CSMD3: variants seen among roughly 807,000 people sequenced by gnomAD.
The protein encoded by CSMD3 is CUB and sushi domain-containing protein 3.
CSMD3 carries 177 observed loss-of-function variants against 435.2 expected under a neutral mutation model. That is an observed-to-expected ratio of 0.41 (90% CI 0.36 to 0.46). CSMD3 has a LOEUF of 0.46. Among genes scored for constraint, CSMD3 ranks in the 20% least tolerant of loss-of-function variants. The pLI, the probability that CSMD3 is intolerant of heterozygous loss-of-function variation, is 0.34. For missense variants in CSMD3, 4,265 were observed against 4,504.6 expected (o/e 0.95, Z 1.52); for synonymous variants, 1,656 against 1,520.5 (o/e 1.09, Z -2.07).
At chr8:112,796,970 T>C (rs1162756127) in intron 13 of CSMD3, among the ~76,000 whole-genome samples, 2 of 152,032 alleles carry the variant, frequency 1.3e-5, no homozygotes, top group Non-Finnish European at 2.9e-5. Flanking sequence ...AAATGAATCC[T>C]AGTTGAATAA....
At chr8:112,952,415 G>A (rs557813295) in intron 8 of CSMD3, among the ~76,000 whole-genome samples, 34 of 151,496 alleles carry the variant, frequency 2.2e-4, no homozygotes, top group Non-Finnish European at 4.1e-4. Flanking sequence ...TTTGAAAGAC[G>A]AATGTCAGAT....
chr8:112,389,477 A>C (rs146849021), intron 36 of CSMD3, among the ~76,000 whole-genome samples: 491 of 152,338 alleles, frequency 3.2e-3, no homozygotes, highest in African/African-American at 0.011. Flanking sequence ...GAATGTAAGT[A>C]TGCATCTATA....
At chr8:112,290,616 T>C (rs1310907658) in intron 56 of CSMD3, among the ~76,000 whole-genome samples, 2 of 151,916 alleles carry the variant, frequency 1.3e-5, no homozygotes, top group Non-Finnish European at 2.9e-5. Context: ...AAAATGTTCA[T>C]AAAAGTACAC....
chr8:113,153,108 A>G (rs1451790287), intron 4 of CSMD3, among the ~76,000 whole-genome samples: 11 of 128,768 alleles, frequency 8.5e-5, no homozygotes, highest in South Asian at 7.6e-4. Flanking sequence ...AAGAAAAGAA[A>G]GAAAGAAAGA....
At chr8:113,092,783 G>A (rs944435645) in intron 5 of CSMD3, among the ~76,000 whole-genome samples, 1 of 152,038 alleles carries the variant, frequency 6.6e-6, no homozygotes, top group African/African-American at 2.4e-5. Flanking sequence ...CTAGGTGGTG[G>A]TGGTGCGGTT....
At chr8:112,831,286 C>T (rs764428562) in intron 11 of CSMD3, among the ~76,000 whole-genome samples, 16 of 150,700 alleles carry the variant, frequency 1.1e-4, no homozygotes, top group Non-Finnish European at 1.8e-4. Flanking sequence ...TTAATAATTA[C>T]CTGTCAATAC....
At chr8:112,962,386 A>G (rs2084264683) in intron 7 of CSMD3, among the ~76,000 whole-genome samples, 1 of 151,870 alleles carries the variant, frequency 6.6e-6, no homozygotes, top group Middle Eastern at 3.2e-3. Context: ...TGTATATTAT[A>G]AGGCCTTCTA....
chr8:112,763,937 A>C (rs1221762779), intron 13 of CSMD3, among the ~76,000 whole-genome samples: 3 of 151,098 alleles, frequency 2.0e-5, no homozygotes, highest in Admixed American at 6.6e-5. Context: ...AATTCCAATT[A>C]AGCCTTTTCT....
intron 32 of CSMD3, among the ~76,000 whole-genome samples, chr8:112,463,679 G>A (rs1817672911): frequency 6.6e-6 from 1 of 152,116 alleles, no homozygotes; most frequent in African/African-American, 2.4e-5. Flanking sequence ...ACTTATCTGT[G>A]TACTTTATAA....
At chr8:112,387,002 C>A (rs867641424) in intron 36 of CSMD3, among the ~76,000 whole-genome samples, 2 of 152,058 alleles carry the variant, frequency 1.3e-5, no homozygotes, top group African/African-American at 4.8e-5. Context: ...TAAATTGATA[C>A]AATAATGTAG....
intron 1 of CSMD3, among the ~76,000 whole-genome samples, chr8:113,319,298 TTTAAAGA>T (rs1394483658): frequency 6.6e-6 from 1 of 152,062 alleles, no homozygotes; most frequent in Non-Finnish European, 1.5e-5. Context: ...TTTGCATTTC[TTTAAAGA>T]TTAATTATGT....
intron 17 of CSMD3, among the ~76,000 whole-genome samples, chr8:112,661,462 A>G (rs999286767): frequency 1.3e-5 from 2 of 152,166 alleles, no homozygotes; most frequent in African/African-American, 4.8e-5. Flanking sequence ...TCCAAAATCA[A>G]ATGTCAGAGT....
At chr8:113,216,484 T>A (rs1241459293) in intron 3 of CSMD3, among the ~76,000 whole-genome samples, 1 of 151,914 alleles carries the variant, frequency 6.6e-6, no homozygotes, top group Non-Finnish European at 1.5e-5. Context: ...ATTTTCTCAG[T>A]TGTGACAATA....
intron 3 of CSMD3, among the ~76,000 whole-genome samples, chr8:113,237,656 C>T (rs1206891781): frequency 6.6e-6 from 1 of 152,176 alleles, no homozygotes; most frequent in Non-Finnish European, 1.5e-5. Flanking sequence ...AATTAACAGC[C>T]ATTTGTTTCT....
At chr8:112,943,100 A>G (rs1236880913) in intron 9 of CSMD3, among the ~76,000 whole-genome samples, 1 of 151,516 alleles carries the variant, frequency 6.6e-6, no homozygotes, top group Non-Finnish European at 1.5e-5. Flanking sequence ...CTTTATTTAT[A>G]TGTCTATTTG....
chr8:112,750,210 C>A (rs1226305989), intron 13 of CSMD3, among the ~76,000 whole-genome samples: 11 of 151,666 alleles, frequency 7.3e-5, no homozygotes, highest in Non-Finnish European at 1.6e-4. Context: ...AGTAAACTTT[C>A]TGGGAATCAT....
chr8:113,277,673 T>C (rs1474094165), intron 3 of CSMD3, among the ~76,000 whole-genome samples: 2 of 151,962 alleles, frequency 1.3e-5, no homozygotes, highest in African/African-American at 2.4e-5. Flanking sequence ...TTAGACCTGA[T>C]GTGATAAATT....
intron 5 of CSMD3, among the ~76,000 whole-genome samples, chr8:113,094,850 T>C (rs1336133983): frequency 6.6e-6 from 1 of 152,016 alleles, no homozygotes; most frequent in Non-Finnish European, 1.5e-5. Flanking sequence ...GGACGGTAGA[T>C]CACGAGGTCA....
intron 32 of CSMD3, among the ~76,000 whole-genome samples, chr8:112,439,530 C>A (rs778429050): frequency 8.6e-5 from 13 of 151,912 alleles, no homozygotes; most frequent in South Asian, 2.1e-4. Context: ...TTTATATATA[C>A]CTTTGTATAC....
Sources: allele counts gnomAD v4.1 joint callset (sites outside exome capture counted in the v4.1 genomes callset), GRCh38; gene constraint gnomAD v4.1.1; transcripts MANE v1.5; gene names NCBI Gene and HGNC (gene_info 2026-07-23, HGNC 2026-07-21).